The following PCDH9 variants were observed in gnomAD, a reference collection of about 807,000 sequenced individuals.
The protein encoded by PCDH9 is protocadherin 9.
In PCDH9, 24 loss-of-function variants were observed where a neutral mutation model predicts 70.6. The observed-to-expected ratio is 0.34, with a 90% CI of 0.25 to 0.48. PCDH9 has a LOEUF of 0.48. Ranked by LOEUF, PCDH9 falls within the 20% of genes least tolerant of loss-of-function variation. The pLI is 0.99. For synonymous variants in PCDH9, 562 were observed against 558.5 expected, an observed-to-expected ratio of 1.01 and a Z score of -0.09; for missense variants, 1,281 against 1,503.6, an observed-to-expected ratio of 0.85 and a Z score of 2.45.
chr13:67,138,346 T>C (rs967852246), intron 2 of PCDH9, among the ~76,000 whole-genome samples: 12 of 152,198 alleles, frequency 7.9e-5, no homozygotes, highest in African/African-American at 2.9e-4. Context: ...ATGTGACTTA[T>C]GTAAATTGCA....
chr13:66,820,721 C>T (rs1158738117), intron 3 of PCDH9, among the ~76,000 whole-genome samples: 1 of 152,070 alleles, frequency 6.6e-6, no homozygotes, highest in Non-Finnish European at 1.5e-5. Flanking sequence ...AGCTGGAGGC[C>T]ATTATCTTTA....
At chr13:66,577,216 A>G (rs1330937952) in intron 4 of PCDH9, among the ~76,000 whole-genome samples, 4 of 151,902 alleles carry the variant, frequency 2.6e-5, no homozygotes, top group Admixed American at 1.3e-4. Flanking sequence ...AAATATTACC[A>G]TGTATACTAT....
intron 4 of PCDH9, among the ~76,000 whole-genome samples, chr13:66,340,421 T>C (rs1956105984): frequency 6.6e-6 from 1 of 152,194 alleles, no homozygotes; most frequent in African/African-American, 2.4e-5. Context: ...TGGGCTTAAA[T>C]GAATTTGGGC....
chr13:66,992,046 A>G (rs1466208355), intron 2 of PCDH9, among the ~76,000 whole-genome samples: 1 of 152,172 alleles, frequency 6.6e-6, no homozygotes, highest in Non-Finnish European at 1.5e-5. Context: ...CTAATGTTAC[A>G]ATGAAAGGCA....
chr13:67,205,963 G>C lies in PCDH9; in HGVS notation c.3036+19442C>G, dbSNP rs570369839. ...TATTTATGTACTTATTTATGTTTTA[G>C]ACAGGGTCTTGCTCTAGTGCCAAGG... On this transcript the variant is annotated intron_variant, in intron 2 of 4. Coordinates refer to ENST00000377865, the MANE Select transcript of PCDH9 (RefSeq NM_203487.3). 2.0e-5 allele frequency: 3 copies of C among 152,114 alleles called. No homozygotes were observed. In the East Asian group the frequency reaches 5.8e-4, roughly 29 times the overall value. 9.4% of individuals were successfully genotyped at this position (152,114 alleles called of 1,614,324 possible).
chr13:66,984,971 A>G (rs2083859854), intron 2 of PCDH9, among the ~76,000 whole-genome samples: 1 of 152,146 alleles, frequency 6.6e-6, no homozygotes, highest in African/African-American at 2.4e-5. Context: ...TCTAAAATCC[A>G]TAGGAATCCT....
chr13:66,871,546 A>T (rs1056471081), intron 3 of PCDH9, among the ~76,000 whole-genome samples: 4 of 152,100 alleles, frequency 2.6e-5, no homozygotes, highest in Admixed American at 2.0e-4. Flanking sequence ...TACCGTAGTT[A>T]GTCCCTCTGT....
At chr13:67,210,847 G>A (rs1024018116) in intron 2 of PCDH9, 1 of 151,916 alleles carries the variant, frequency 6.6e-6, no homozygotes, top group African/African-American at 2.4e-5. Flanking sequence ...ACATTGCATA[G>A]TCACTTATAA....
At chr13:66,865,377 G>T (rs547270781) in intron 3 of PCDH9, among the ~76,000 whole-genome samples, 1 of 152,166 alleles carries the variant, frequency 6.6e-6, no homozygotes, top group African/African-American at 2.4e-5. Flanking sequence ...TAGTCAAATT[G>T]TTCTTTACAA....
chr13:66,390,465 A>G (rs1956998515), intron 4 of PCDH9, among the ~76,000 whole-genome samples: 1 of 152,116 alleles, frequency 6.6e-6, no homozygotes, highest in South Asian at 2.1e-4. Flanking sequence ...GCCAGGTGTG[A>G]TGGCTCATGC....
intron 4 of PCDH9, among the ~76,000 whole-genome samples, chr13:66,470,521 C>T (rs374406339): frequency 3.3e-5 from 5 of 151,900 alleles, no homozygotes; most frequent in Non-Finnish European, 7.4e-5. Flanking sequence ...GTATTGGTGA[C>T]TTATAAAAAT....
intron 3 of PCDH9, among the ~76,000 whole-genome samples, chr13:66,632,952 T>C (rs1337036530): frequency 2.0e-5 from 3 of 152,130 alleles, no homozygotes; most frequent in Admixed American, 1.3e-4. Flanking sequence ...AATTTATAGA[T>C]TGTATCCATT....
chr13:67,007,747 G>T (rs908314683), intron 2 of PCDH9, among the ~76,000 whole-genome samples: 3 of 152,144 alleles, frequency 2.0e-5, no homozygotes, highest in Admixed American at 1.3e-4. Flanking sequence ...AACAATTTGT[G>T]TGAACAAATC....
intron 3 of PCDH9, among the ~76,000 whole-genome samples, chr13:66,840,541 T>C (rs1274632918): frequency 6.6e-6 from 1 of 152,240 alleles, no homozygotes; most frequent in Non-Finnish European, 1.5e-5. Context: ...TATACAATCA[T>C]GTAACGAAGT....
At chr13:67,171,589 G>T (rs1412672148) in intron 2 of PCDH9, among the ~76,000 whole-genome samples, 2 of 152,116 alleles carry the variant, frequency 1.3e-5, no homozygotes, top group East Asian at 3.8e-4. Context: ...TTTATCTCTG[G>T]TTATGTTATA....
chr13:67,097,205 A>G (rs913145872), intron 2 of PCDH9, among the ~76,000 whole-genome samples: 2 of 152,116 alleles, frequency 1.3e-5, no homozygotes, highest in Non-Finnish European at 2.9e-5. Context: ...ATAGTGAGCC[A>G]TGATTGTGCC....
At chr13:66,781,356 C>T (rs1046384046) in intron 3 of PCDH9, among the ~76,000 whole-genome samples, 1 of 152,140 alleles carries the variant, frequency 6.6e-6, no homozygotes, top group African/African-American at 2.4e-5. Context: ...TGGATTTAAT[C>T]CAATTTTTAA....
At chr13:67,020,606 A>G (rs2084656006) in intron 2 of PCDH9, among the ~76,000 whole-genome samples, 1 of 152,234 alleles carries the variant, frequency 6.6e-6, no homozygotes, top group Non-Finnish European at 1.5e-5. Flanking sequence ...AAAAGTCAAA[A>G]CAGTAAAACA....
rs576240450 is a variant in PCDH9, at chr13:67,027,389, C to T, written c.3037-123784G>A. On this transcript the variant is annotated intron_variant, in intron 2 of 4. Coordinates refer to ENST00000377865, the MANE Select transcript of PCDH9 (RefSeq NM_203487.3). ...TATGTAGAAAGCTGAAACTGGATCC[C>T]TTCCTTACACCTTATACAAAAATTA... 2.0e-5 allele frequency among the ~76,000 whole-genome samples: 3 copies of T among 152,268 alleles called. No homozygotes were observed. In the South Asian group the frequency reaches 6.2e-4, roughly 32 times the overall value.
Sources: allele counts gnomAD v4.1 joint callset (sites outside exome capture counted in the v4.1 genomes callset), GRCh38; gene constraint gnomAD v4.1.1; transcripts MANE v1.5; gene names NCBI Gene and HGNC (gene_info 2026-07-23, HGNC 2026-07-21).